The following CPHXL2 variants were observed in gnomAD, a reference collection of about 807,000 sequenced individuals.
CPHXL2 encodes the protein cytoplasmic polyadenylated homeobox-like protein 2.
chr16:75,674,758 G>T, the CPHXL2 span, among the ~76,000 whole-genome samples: 2 of 151,942 alleles, frequency 1.3e-5, no homozygotes, highest in Admixed American at 1.3e-4. Flanking sequence ...CTCCCAGGCT[G>T]GAGTGCAGTG....
At chr16:75,668,290 G>A in the CPHXL2 span, among the ~76,000 whole-genome samples, 9 of 150,372 alleles carry the variant, frequency 6.0e-5, no homozygotes, top group African/African-American at 7.4e-5. Context: ...GTGCAGTGGC[G>A]GGATCTCTGC....
the CPHXL2 span, chr16:75,660,595 G>C: frequency 7.0e-5 from 28 of 398,480 alleles, no homozygotes; most frequent in Non-Finnish European, 1.2e-4. Context: ...TGCTGTGGGT[G>C]ATACTGCCAA....
the CPHXL2 span, among the ~76,000 whole-genome samples, chr16:75,661,693 T>A: frequency 6.6e-6 from 1 of 152,144 alleles, no homozygotes; most frequent in African/African-American, 2.4e-5. Flanking sequence ...AATAATGTAT[T>A]TTCTGATACC....
chr16:75,672,320 A>G, the CPHXL2 span, among the ~76,000 whole-genome samples: 1 of 152,002 alleles, frequency 6.6e-6, no homozygotes, highest in African/African-American at 2.4e-5. Context: ...TTGGTTTACA[A>G]TTTCAAAATA....
the CPHXL2 span, among the ~76,000 whole-genome samples, chr16:75,671,130 C>A: frequency 6.6e-6 from 1 of 152,202 alleles, no homozygotes; most frequent in Non-Finnish European, 1.5e-5. Flanking sequence ...CGCCTATAAT[C>A]CCAGCATTCT....
chr16:75,676,539 C>G, the CPHXL2 span, among the ~76,000 whole-genome samples: 11 of 152,130 alleles, frequency 7.2e-5, no homozygotes, highest in African/African-American at 2.7e-4. Flanking sequence ...CTAGGCTTGT[C>G]TCAAACTTCT....
chr16:75,674,443 G>A, the CPHXL2 span, among the ~76,000 whole-genome samples: 1 of 146,378 alleles, frequency 6.8e-6, no homozygotes, highest in East Asian at 2.0e-4. Flanking sequence ...TAAAATTAAA[G>A]TAGACCTAAA....
At chr16:75,661,185 CAAGT>C in the CPHXL2 span, 1 of 400,680 alleles carries the variant, frequency 2.5e-6, no homozygotes, top group African/African-American at 2.1e-5. Flanking sequence ...GTGTTTTTTC[CAAGT>C]AAGAAATATT....
At chr16:75,673,796 T>C in the CPHXL2 span, among the ~76,000 whole-genome samples, 1 of 151,132 alleles carries the variant, frequency 6.6e-6, no homozygotes, top group African/African-American at 2.4e-5. Context: ...CTGGGCAACA[T>C]GGCAAAACCC....
the CPHXL2 span, among the ~76,000 whole-genome samples, chr16:75,668,488 A>G: frequency 2.0e-5 from 3 of 152,112 alleles, no homozygotes; most frequent in Non-Finnish European, 2.9e-5. Context: ...TGGCCTCCCA[A>G]AGTGCTAGGA....
At chr16:75,663,272 T>G in the CPHXL2 span, among the ~76,000 whole-genome samples, 1 of 152,176 alleles carries the variant, frequency 6.6e-6, no homozygotes, top group African/African-American at 2.4e-5. Context: ...GATAATTGTT[T>G]AAAACAAAAC....
At chr16:75,663,641 T>C in the CPHXL2 span, among the ~76,000 whole-genome samples, 1 of 152,018 alleles carries the variant, frequency 6.6e-6, no homozygotes, top group African/African-American at 2.4e-5. Flanking sequence ...CCCAGCACTT[T>C]GGGAGGCCGA....
chr16:75,668,009 T>C, the CPHXL2 span, among the ~76,000 whole-genome samples: 12 of 152,144 alleles, frequency 7.9e-5, no homozygotes, highest in Admixed American at 7.9e-4. Context: ...CCCATCCACC[T>C]GCACAGCTAG....
At chr16:75,676,699 C>G in the CPHXL2 span, among the ~76,000 whole-genome samples, 2 of 152,102 alleles carry the variant, frequency 1.3e-5, no homozygotes, top group Non-Finnish European at 2.9e-5. Flanking sequence ...TTCAAACTTC[C>G]CCCCAAGATT....
At chr16:75,666,889 C>A in the CPHXL2 span, among the ~76,000 whole-genome samples, 1 of 152,118 alleles carries the variant, frequency 6.6e-6, no homozygotes, top group Admixed American at 6.6e-5. Flanking sequence ...CTCTCTCAGA[C>A]CACAGTGGAA....
the CPHXL2 span, among the ~76,000 whole-genome samples, chr16:75,662,329 TC>T: frequency 5.4e-5 from 8 of 148,408 alleles, no homozygotes; most frequent in African/African-American, 1.8e-4. Context: ...CCTTTTTCTT[TC>T]TTTTCTTTTT....
At chr16:75,664,486 A>AT in the CPHXL2 span, among the ~76,000 whole-genome samples, 2 of 152,068 alleles carry the variant, frequency 1.3e-5, no homozygotes, top group Non-Finnish European at 2.9e-5. Flanking sequence ...TTAGCTAGGC[A>AT]TGGCGGCACG....
At chr16:75,668,149 GATA>G in the CPHXL2 span, among the ~76,000 whole-genome samples, 2 of 151,464 alleles carry the variant, frequency 1.3e-5, no homozygotes, top group African/African-American at 4.9e-5. Flanking sequence ...AACATACATA[GATA>G]ATAATACCGT....
the CPHXL2 span, chr16:75,661,283 C>A: frequency 1.5e-5 from 6 of 400,502 alleles, no homozygotes; most frequent in Non-Finnish European, 2.2e-5. Context: ...ATTATCAAAT[C>A]TACTTCTCTG....
Sources: gnomAD v4.1 joint callset for allele counts (sites outside exome capture counted in the v4.1 genomes callset) on GRCh38, gnomAD v4.1.1 for gene constraint, MANE v1.5 for transcripts, NCBI Gene and HGNC (gene_info 2026-07-23, HGNC 2026-07-21) for gene names.